Variants in NCKAP5 observed in about 807,000 individuals in gnomAD.
NCKAP5 encodes the protein NCK associated protein 5.
A neutral mutation model predicts 167.0 loss-of-function variants in NCKAP5; 92 were observed. That is an observed-to-expected ratio of 0.55 (90% CI 0.47 to 0.66). The LOEUF (loss-of-function observed/expected upper bound fraction) is 0.66. Ranked by LOEUF, NCKAP5 falls within the 30% of genes least tolerant of loss-of-function variation. The pLI is 0.00. For missense variants in NCKAP5, 2,378 were observed against 2,315.0 expected (o/e 1.03, Z -0.56); for synonymous variants, 891 against 877.4 (o/e 1.02, Z -0.27).
the NCKAP5 span, among the ~76,000 whole-genome samples, chr2:133,579,975 C>CA: frequency 6.6e-6 from 1 of 152,088 alleles, no homozygotes; most frequent in Non-Finnish European, 1.5e-5. Context: ...CATGTCTACA[C>CA]AAAAAATAGA....
intron 6 of NCKAP5, among the ~76,000 whole-genome samples, chr2:133,033,816 A>T: frequency 6.6e-6 from 1 of 152,012 alleles, no homozygotes; most frequent in East Asian, 1.9e-4. Context: ...AAATACAGTC[A>T]GTGGAGATGA....
chr2:133,250,392 C>G (rs1411041928), intron 4 of NCKAP5, among the ~76,000 whole-genome samples: 1 of 152,110 alleles, frequency 6.6e-6, no homozygotes, highest in Non-Finnish European at 1.5e-5. Context: ...CACCCACCAC[C>G]AGCTTAGGGC....
intron 8 of NCKAP5, among the ~76,000 whole-genome samples, chr2:132,959,278 C>T (rs2076437961): frequency 6.6e-6 from 1 of 151,972 alleles, no homozygotes; most frequent in South Asian, 2.1e-4. Context: ...GTAGAAAAAG[C>T]TGTTATTCAC....
chr2:133,511,332 T>A (rs1683472598), intron 3 of NCKAP5, among the ~76,000 whole-genome samples: 1 of 152,102 alleles, frequency 6.6e-6, no homozygotes, highest in Admixed American at 6.5e-5. Context: ...CTCCCCTGCC[T>A]CCTCCTAGCT....
In NCKAP5 at chr2:133,418,066, G is replaced by A. The variant is rs1040318670; in HGVS notation, c.69+99392C>T. The stretch of plus-strand genomic sequence containing the variant: ...TAGGGAGTCAATAGGAAAAAATGTT[G>A]AGACCCACTTCACTTAAATATGTGC... On this transcript the variant is annotated intron_variant, in intron 3 of 19. Coordinates refer to ENST00000409261, the MANE Select transcript of NCKAP5 (RefSeq NM_207363.3). 1.3e-5 allele frequency among the ~76,000 whole-genome samples: 2 copies of A among 152,172 alleles called. 1 individual carries two copies. Among genetic ancestry groups the A allele is most frequent in the South Asian group, 4.1e-4 (2 of 4,832 alleles).
At chr2:133,440,882 C>T (rs938428680) in intron 3 of NCKAP5, among the ~76,000 whole-genome samples, 10 of 151,980 alleles carry the variant, frequency 6.6e-5, no homozygotes, top group Admixed American at 3.9e-4. Context: ...CCCCTTTGAG[C>T]GCCTGACACA....
intron 11 of NCKAP5, among the ~76,000 whole-genome samples, chr2:132,815,737 TC>T (rs1276411636): frequency 6.6e-6 from 1 of 152,210 alleles, no homozygotes; most frequent in African/African-American, 2.4e-5. Context: ...GCCCAGTGCA[TC>T]ATCAAGCTCT....
intron 6 of NCKAP5, among the ~76,000 whole-genome samples, chr2:133,017,505 T>TA (rs2078378054): frequency 6.6e-6 from 1 of 152,216 alleles, no homozygotes; most frequent in Non-Finnish European, 1.5e-5. Context: ...TGATTATCAT[T>TA]ATTCAAACCC....
chr2:133,076,284 A>G (rs1212122213), intron 6 of NCKAP5, among the ~76,000 whole-genome samples: 1 of 152,150 alleles, frequency 6.6e-6, no homozygotes. Context: ...GAAAATACCT[A>G]TACTGTATGT....
At chr2:133,513,712 G>A (rs1231532982) in intron 3 of NCKAP5, among the ~76,000 whole-genome samples, 2 of 152,096 alleles carry the variant, frequency 1.3e-5, no homozygotes, top group Non-Finnish European at 2.9e-5. Flanking sequence ...TACTGCTGTC[G>A]GAACTGAGGA....
the NCKAP5 span, among the ~76,000 whole-genome samples, chr2:133,647,473 GAAGGAAAGGA>G: frequency 0.054 from 3,347 of 62,554 alleles, 112 homozygotes; most frequent in East Asian, 0.15. Flanking sequence ...AAGGGCAAGG[GAAGGAAAGGA>G]AAGGAAAGGA....
intron 11 of NCKAP5, among the ~76,000 whole-genome samples, chr2:132,851,122 G>A (rs1448652763): frequency 3.9e-5 from 6 of 152,086 alleles, no homozygotes; most frequent in East Asian, 1.9e-4. Flanking sequence ...CTTTAAAGGC[G>A]GAAAAGTTTG....
chr2:132,709,254 CA>C (rs1688637925), intron 19 of NCKAP5, among the ~76,000 whole-genome samples: 1 of 151,602 alleles, frequency 6.6e-6, no homozygotes, highest in African/African-American at 2.4e-5. Context: ...GATAGAAAAA[CA>C]GAAACATCAA....
At chr2:133,019,894 G>C (rs1160989476) in intron 6 of NCKAP5, among the ~76,000 whole-genome samples, 4 of 152,242 alleles carry the variant, frequency 2.6e-5, no homozygotes, top group Non-Finnish European at 5.9e-5. Flanking sequence ...GACAAGGCCT[G>C]TGTGGGTCGG....
intron 3 of NCKAP5, among the ~76,000 whole-genome samples, chr2:133,314,640 A>G (rs1008275890): frequency 1.3e-5 from 2 of 152,218 alleles, no homozygotes; most frequent in Non-Finnish European, 2.9e-5. Context: ...TCAAGGGTTA[A>G]TTATGTTCAG....
chr2:133,000,467 T>C (rs1234176206), intron 6 of NCKAP5, among the ~76,000 whole-genome samples: 3 of 152,164 alleles, frequency 2.0e-5, no homozygotes, highest in African/African-American at 7.2e-5. Context: ...ACTTCCCATA[T>C]TGGCTGGAAA....
At chr2:133,105,963 G>A (rs2081672313) in intron 6 of NCKAP5, among the ~76,000 whole-genome samples, 1 of 151,958 alleles carries the variant, frequency 6.6e-6, no homozygotes. Flanking sequence ...TACCATATGT[G>A]CTCTTCTCAC....
chr2:133,257,881 G>A (rs1052153380), intron 4 of NCKAP5, among the ~76,000 whole-genome samples: 6 of 152,162 alleles, frequency 3.9e-5, no homozygotes, highest in Non-Finnish European at 7.3e-5. Flanking sequence ...AGGTCATGAT[G>A]AGGAAAACCA....
At chr2:132,840,658 T>C (rs1263706904) in intron 11 of NCKAP5, among the ~76,000 whole-genome samples, 1 of 152,198 alleles carries the variant, frequency 6.6e-6, no homozygotes, top group Non-Finnish European at 1.5e-5. Flanking sequence ...ATTATTACAA[T>C]AGTACAGTAT....
Sources: allele counts gnomAD v4.1 joint callset (sites outside exome capture counted in the v4.1 genomes callset), GRCh38; gene constraint gnomAD v4.1.1; transcripts MANE v1.5; gene names NCBI Gene and HGNC (gene_info 2026-07-23, HGNC 2026-07-21).